The following MYLIP variants were observed in gnomAD, a reference collection of about 807,000 sequenced individuals.
The protein encoded by MYLIP is myosin regulatory light chain interacting protein.
MYLIP carries 26 observed loss-of-function variants against 45.8 expected under a neutral mutation model. The observed-to-expected ratio is 0.57, with a 90% CI of 0.42 to 0.79. The LOEUF is 0.79. MYLIP is among the 30% of genes least tolerant of loss of function. The pLI is 0.00. For missense variants in MYLIP, 494 were observed against 555.6 expected (o/e 0.89, Z 1.11); for synonymous variants, 213 against 218.1 (o/e 0.98, Z 0.21).
intron 2 of MYLIP, among the ~76,000 whole-genome samples, chr6:16,138,274 C>A (rs1759596536): frequency 6.6e-6 from 1 of 151,348 alleles, no homozygotes; most frequent in African/African-American, 2.4e-5. Context: ...CTTATTTGAC[C>A]ACATCTGCTT....
In MYLIP at chr6:16,137,472, G is replaced by A. The variant is rs147492123; in HGVS notation, c.279-4153G>A. 2.6e-3 allele frequency among the ~76,000 whole-genome samples: 389 copies of A among 152,298 alleles called. 3 individuals are homozygous for A. The highest frequency in any genetic ancestry group is 8.7e-3 in the African/African-American group (361 of 41,560). Reference sequence around the variant, plus strand: ...ATTTGAAAAAAATAGCTGCTTAGCTGTTTTAAAGATGTAGGTTAGTTCTTA... The same window carrying A: ...ATTTGAAAAAAATAGCTGCTTAGCTATTTTAAAGATGTAGGTTAGTTCTTA... On this transcript the variant is annotated intron_variant, in intron 2 of 6. Coordinates refer to ENST00000356840, the MANE Select transcript of MYLIP (RefSeq NM_013262.4).
intron 2 of MYLIP, among the ~76,000 whole-genome samples, chr6:16,136,724 C>T (rs1244890715): frequency 2.6e-5 from 4 of 152,196 alleles, no homozygotes; most frequent in African/African-American, 4.8e-5. Context: ...AGTCTAGTTC[C>T]TCCACATCCC....
In MYLIP at chr6:16,129,787, C is replaced by T. The variant is rs1386316152; in HGVS notation, c.87+378C>T. Among the ~76,000 whole-genome samples, 1 of 152,246 alleles carries T rather than the reference C, an allele frequency of 6.6e-6. No homozygotes were observed. The highest frequency in any genetic ancestry group is 1.5e-5 in the Non-Finnish European group (1 of 68,046). ...GTCCCCGCGGCGCCTGGCAGTGCCA[C>T]CCGCGTGCCAGGATGGGATGGAGTG... On this transcript the variant is annotated intron_variant, in intron 1 of 6. Coordinates refer to ENST00000356840, the MANE Select transcript of MYLIP (RefSeq NM_013262.4). The surrounding 1 kb of genome is among the most constrained non-coding windows in gnomAD (Gnocchi z 5.1).
At chr6:16,148,573 A>G (rs1230139697), downstream of MYLIP, among the ~76,000 whole-genome samples, 2 of 152,232 alleles carry the variant, frequency 1.3e-5, no homozygotes, top group East Asian at 1.9e-4. Flanking sequence ...AAATGGGGTC[A>G]TGAACATAAG....
At chr6:16,151,173 C>T (rs1318574326), downstream of MYLIP, among the ~76,000 whole-genome samples, 1 of 151,390 alleles carries the variant, frequency 6.6e-6, no homozygotes. Context: ...CACAGTGAAA[C>T]CCCATCTCTG....
chr6:16,140,438 C>G (rs954833430), intron 2 of MYLIP, among the ~76,000 whole-genome samples: 1 of 152,154 alleles, frequency 6.6e-6, no homozygotes. Flanking sequence ...GGAAGGTAAA[C>G]TAATCACACA....
the MYLIP span, among the ~76,000 whole-genome samples, chr6:16,163,045 G>T: frequency 2.6e-5 from 4 of 151,982 alleles, no homozygotes; most frequent in Non-Finnish European, 5.9e-5. Flanking sequence ...CATATGATGA[G>T]GATGGCAGAC....
At chr6:16,153,052 G>A (rs932120580), downstream of MYLIP, among the ~76,000 whole-genome samples, 5 of 152,140 alleles carry the variant, frequency 3.3e-5, no homozygotes, top group Non-Finnish European at 5.9e-5. Context: ...ATCATAAAAG[G>A]GAATCAAGAA....
chr6:16,154,329 C>T, the MYLIP span, among the ~76,000 whole-genome samples: 2 of 152,114 alleles, frequency 1.3e-5, no homozygotes, highest in Non-Finnish European at 1.5e-5. Context: ...ACATGCTGTA[C>T]CTAAGGATCT....
intron 1 of MYLIP, among the ~76,000 whole-genome samples, chr6:16,130,128 A>G (rs1759427931): frequency 6.6e-6 from 1 of 152,198 alleles, no homozygotes; most frequent in Admixed American, 6.5e-5. Flanking sequence ...CTTAGCTGAC[A>G]CTTGTGGCGT....
rs1337429503 is a variant in MYLIP, at chr6:16,145,327, T to A, written c.1248+10T>A. 6.4e-7 allele frequency: 1 copy of A among 1,564,574 alleles called. No homozygotes were observed. Among genetic ancestry groups the A allele is most frequent in the Admixed American group, 1.8e-5 (1 of 55,442 alleles). On this transcript the variant is annotated intron_variant, in intron 6 of 6. Coordinates refer to ENST00000356840, the MANE Select transcript of MYLIP (RefSeq NM_013262.4). ...CGCCGCCCAGCTACAGGTAGGGGAGTCAGCTGCCCACTTTTGCCTGCAGCC... is the reference window on the plus strand; with the variant it reads ...CGCCGCCCAGCTACAGGTAGGGGAGACAGCTGCCCACTTTTGCCTGCAGCC...
chr6:16,134,670 CAT>C (rs1468258582), intron 2 of MYLIP, among the ~76,000 whole-genome samples: 1 of 152,194 alleles, frequency 6.6e-6, no homozygotes, highest in Non-Finnish European at 1.5e-5. Context: ...CACTTTTAGA[CAT>C]GTGGAAATCT....
chr6:16,148,476 A>G (rs1581611165), downstream of MYLIP, among the ~76,000 whole-genome samples: 1 of 148,100 alleles, frequency 6.8e-6, no homozygotes, highest in East Asian at 2.0e-4. Context: ...ACTTGAAAAT[A>G]TTTGTGGTAT....
At position 16,145,308 on chromosome 6, in the gene MYLIP, C is replaced by T; in HGVS notation, c.1239C>T (p.Ala413=). 1 of 1,586,972 alleles carries T rather than the reference C, an allele frequency of 6.3e-7. No individual in the cohort carries two copies. Among genetic ancestry groups the T allele is most frequent in the Non-Finnish European group, 8.6e-7 (1 of 1,161,972 alleles). Residue 413 remains alanine, a synonymous_variant, in exon 6 of 7, where the codon GCC becomes GCT. Transcript: ENST00000356840. ...GHTVCCESCA[A]QLQSCPVCRS... is the part of the protein sequence containing the mutation. ...CTGTGTGCTGTGAGAGCTGCGCCGCCCAGCTACAGGTAGGGGAGTCAGCTG... is the reference window on the plus strand; with the variant it reads ...CTGTGTGCTGTGAGAGCTGCGCCGCTCAGCTACAGGTAGGGGAGTCAGCTG...
At chr6:16,156,337 C>T in the MYLIP span, among the ~76,000 whole-genome samples, 2 of 152,238 alleles carry the variant, frequency 1.3e-5, no homozygotes, top group African/African-American at 4.8e-5. Flanking sequence ...ATTTCTCACC[C>T]TCCTGTCCCT....
chr6:16,157,147 G>A, the MYLIP span, among the ~76,000 whole-genome samples: 1 of 152,144 alleles, frequency 6.6e-6, no homozygotes, highest in African/African-American at 2.4e-5. Context: ...CTCACTCCTG[G>A]ACCATTGCTG....
intron 6 of MYLIP, 56 bp downstream of exon 6, chr6:16,145,373 C>G: frequency 6.6e-7 from 1 of 1,519,458 alleles, no homozygotes; most frequent in Non-Finnish European, 8.8e-7. Context: ...CTCCTCTTAA[C>G]GGGGAGTAGG....
At chr6:16,162,308 G>T in the MYLIP span, among the ~76,000 whole-genome samples, 2 of 152,174 alleles carry the variant, frequency 1.3e-5, no homozygotes, top group East Asian at 3.9e-4. Context: ...GATGGACTGG[G>T]TCTAATTCAT....
chr6:16,145,404 A>T, intron 6 of MYLIP, 87 bp downstream of exon 6: 1 of 1,434,472 alleles, frequency 7.0e-7, no homozygotes, highest in East Asian at 2.3e-5. Context: ...TGGCTCGCTA[A>T]TGCACAGACG....
Sources: gnomAD v4.1 joint callset for allele counts (sites outside exome capture counted in the v4.1 genomes callset) on GRCh38, gnomAD v4.1.1 for gene constraint, Gnocchi (gnomAD v3.1) non-coding constraint, MANE v1.5 for transcripts, NCBI Gene and HGNC (gene_info 2026-07-23, HGNC 2026-07-21) for gene names.